ARHGAP24: variants seen among roughly 807,000 people sequenced by gnomAD.
ARHGAP24 encodes the protein rho GTPase-activating protein 24.
In ARHGAP24, 50 loss-of-function variants were observed where a neutral mutation model predicts 76.4. The ratio of observed to expected loss-of-function variants is 0.65; its 90% CI spans 0.52 to 0.83. The LOEUF (loss-of-function observed/expected upper bound fraction) is 0.83, where lower values mean the gene tolerates loss of function less well. Ranked by LOEUF, ARHGAP24 falls within the 40% of genes least tolerant of loss-of-function variation. ARHGAP24 has a pLI of 0.00. For missense variants in ARHGAP24, 930 were observed against 914.2 expected, an observed-to-expected ratio of 1.02 and a Z score of -0.22; for synonymous variants, 345 against 323.3, an observed-to-expected ratio of 1.07 and a Z score of -0.72.
chr4:85,639,834 T>A (rs1245862944), intron 2 of ARHGAP24, among the ~76,000 whole-genome samples: 1 of 152,304 alleles, frequency 6.6e-6, no homozygotes, highest in African/African-American at 2.4e-5. Context: ...AAGACTAGGC[T>A]AATATGCCAT....
chr4:85,565,499 T>C (rs1726805231), intron 1 of ARHGAP24, among the ~76,000 whole-genome samples: 1 of 152,128 alleles, frequency 6.6e-6, no homozygotes, highest in South Asian at 2.1e-4. Flanking sequence ...TGGGAACACA[T>C]TTATACAGTG....
At chr4:85,946,514 T>C (rs1052403808) in intron 5 of ARHGAP24, among the ~76,000 whole-genome samples, 1 of 152,256 alleles carries the variant, frequency 6.6e-6, no homozygotes, top group Admixed American at 6.5e-5. Flanking sequence ...CCAGTATCTG[T>C]TGTTCCCATT....
chr4:85,715,936 CTT>C (rs1160888984), intron 2 of ARHGAP24, among the ~76,000 whole-genome samples: 2 of 151,982 alleles, frequency 1.3e-5, no homozygotes. Flanking sequence ...ATTGAACCAA[CTT>C]ATATCGTTTT....
At chr4:85,840,332 T>A (rs1056629858) in intron 3 of ARHGAP24, among the ~76,000 whole-genome samples, 1 of 152,196 alleles carries the variant, frequency 6.6e-6, no homozygotes, top group African/African-American at 2.4e-5. Flanking sequence ...ACATAAGGAA[T>A]CATTTTTCCT....
chr4:85,695,356 G>C lies in ARHGAP24; in HGVS notation c.181-26529G>C, dbSNP rs1392023835. ...GGGTTTGCCTTCACCTAACATGTTT[G>C]CCTGTTACATGGGTATGGGGAAGGT... On this transcript the variant is annotated intron_variant, in intron 2 of 9. Transcript: ENST00000395184. 2.6e-5 allele frequency among the ~76,000 whole-genome samples: 4 copies of C among 152,152 alleles called. No homozygotes were observed. In the South Asian group the frequency reaches 6.2e-4, roughly 24 times the overall value.
intron 2 of ARHGAP24, among the ~76,000 whole-genome samples, chr4:85,629,586 T>A (rs188385618): frequency 2.0e-5 from 3 of 152,188 alleles, no homozygotes; most frequent in Non-Finnish European, 2.9e-5. Context: ...ATTATATCTC[T>A]CCTTTGTTTC....
chr4:85,961,608 C>T (rs541989502), intron 5 of ARHGAP24, among the ~76,000 whole-genome samples: 15 of 152,130 alleles, frequency 9.9e-5, no homozygotes, highest in Admixed American at 9.8e-4. Flanking sequence ...AAATGAGTGA[C>T]ATGCAGTAAA....
chr4:85,751,371 T>C (rs540515673), intron 3 of ARHGAP24, among the ~76,000 whole-genome samples: 14 of 152,344 alleles, frequency 9.2e-5, no homozygotes, highest in African/African-American at 3.1e-4. Flanking sequence ...CTGCAATATC[T>C]TATAAATGTA....
intron 2 of ARHGAP24, among the ~76,000 whole-genome samples, chr4:85,612,659 G>A (rs1276767726): frequency 6.6e-6 from 1 of 151,836 alleles, no homozygotes; most frequent in Non-Finnish European, 1.5e-5. Context: ...AAGATATTTA[G>A]AGGATACCCA....
intron 3 of ARHGAP24, among the ~76,000 whole-genome samples, chr4:85,764,505 T>A (rs1340575840): frequency 1.3e-5 from 2 of 152,298 alleles, no homozygotes; most frequent in Middle Eastern, 3.4e-3. Flanking sequence ...AACACAGGTT[T>A]GATGCAGCTC....
chr4:85,627,954 G>T (rs765938333), intron 2 of ARHGAP24, among the ~76,000 whole-genome samples: 1 of 152,120 alleles, frequency 6.6e-6, no homozygotes, highest in Admixed American at 6.5e-5. Flanking sequence ...GGAGTGACCC[G>T]ATTTTCCAGG....
intron 1 of ARHGAP24, among the ~76,000 whole-genome samples, chr4:85,556,647 C>T (rs888342061): frequency 6.6e-6 from 1 of 152,144 alleles, no homozygotes; most frequent in Non-Finnish European, 1.5e-5. Context: ...ATTGGGGGCC[C>T]AGGTCAACAG....
chr4:85,995,360 A>T lies in ARHGAP24; in HGVS notation c.1706A>T (p.Asn569Ile), dbSNP rs775679787. The change falls in exon 9 of 10, where the codon AAC becomes ATC. Residue 569 changes from asparagine to isoleucine, a missense_variant. Physicochemically the swap from Asn to Ile is moderately radical, Grantham distance 149. Coordinates refer to ENST00000395184, the MANE Select transcript of ARHGAP24 (RefSeq NM_001025616.3). ...SCEISLPENS[N>I]SCRSSTTTCP... ...GAAATCTCCCTCCCTGAGAACTCCAACTCCTGTCGCTCTTCTACCACCACC... is the reference window on the plus strand; with the variant it reads ...GAAATCTCCCTCCCTGAGAACTCCATCTCCTGTCGCTCTTCTACCACCACC... 8 of 1,613,540 alleles carry T rather than the reference A, an allele frequency of 5.0e-6. No individual in the cohort carries two copies. Among genetic ancestry groups the T allele is most frequent in the Non-Finnish European group, 5.9e-6 (7 of 1,179,870 alleles).
At chr4:85,576,132 T>C (rs1226619881) in intron 2 of ARHGAP24, among the ~76,000 whole-genome samples, 2 of 152,192 alleles carry the variant, frequency 1.3e-5, no homozygotes, top group African/African-American at 4.8e-5. Context: ...GATTGCTGAT[T>C]TAAGAGTAAG....
intron 2 of ARHGAP24, among the ~76,000 whole-genome samples, chr4:85,639,550 A>G (rs553379804): frequency 6.6e-6 from 1 of 152,258 alleles, no homozygotes; most frequent in African/African-American, 2.4e-5. Flanking sequence ...GGGAAAAAAT[A>G]ATTGCTGAAT....
chr4:85,515,871 G>T (rs1387703230), intron 1 of ARHGAP24, among the ~76,000 whole-genome samples: 1 of 152,104 alleles, frequency 6.6e-6, no homozygotes, highest in Admixed American at 6.6e-5. Flanking sequence ...GAACTCTAGG[G>T]TTATACAATA....
At chr4:85,699,124 A>T (rs1427516078) in intron 2 of ARHGAP24, among the ~76,000 whole-genome samples, 1 of 152,240 alleles carries the variant, frequency 6.6e-6, no homozygotes. Flanking sequence ...TTTTGGTTGC[A>T]TCCTTGTCCC....
Position 85,963,770 on chromosome 4 carries a change from A to G in ARHGAP24, c.600-8266A>G, listed in dbSNP as rs140945075. On this transcript the variant is annotated intron_variant, in intron 5 of 9. Transcript: ENST00000395184. ...ATAAAATAAGTGTTTTTTGTGGGAT[A>G]CATATTTGTTTATTTATGCTTAAAC... 5.5e-4 allele frequency among the ~76,000 whole-genome samples: 84 copies of G among 152,286 alleles called. 1 individual carries two copies. The highest frequency in any genetic ancestry group is 1.9e-3 in the African/African-American group (81 of 41,574).
chr4:85,912,919 G>A (rs1046559725), intron 3 of ARHGAP24, among the ~76,000 whole-genome samples: 11 of 151,978 alleles, frequency 7.2e-5, no homozygotes, highest in African/African-American at 2.4e-4. Context: ...ATACTTTGGG[G>A]TGAAAGCGAT....
Sources: allele counts gnomAD v4.1 joint callset (sites outside exome capture counted in the v4.1 genomes callset), GRCh38; gene constraint gnomAD v4.1.1; transcripts MANE v1.5; gene names NCBI Gene and HGNC (gene_info 2026-07-23, HGNC 2026-07-21).